The following IDE variants were observed in gnomAD, a reference collection of about 807,000 sequenced individuals.
IDE encodes the protein insulin-degrading enzyme.
A neutral mutation model predicts 133.2 loss-of-function variants in IDE; 58 were observed. That is an observed-to-expected ratio of 0.44 (90% CI 0.35 to 0.54). The LOEUF is 0.54. Ranked by LOEUF, IDE falls within the 20% of genes least tolerant of loss-of-function variation. IDE has a pLI of 0.00. For missense variants in IDE, 981 were observed against 1,234.0 expected, an observed-to-expected ratio of 0.79 and a Z score of 3.07; for synonymous variants, 396 against 421.3, an observed-to-expected ratio of 0.94 and a Z score of 0.73.
intron 1 of IDE, chr10:92,555,048 G>A (rs1182391596): frequency 2.6e-5 from 4 of 152,136 alleles, no homozygotes; most frequent in African/African-American, 9.7e-5. Flanking sequence ...TACAATAAGA[G>A]CCATGGAAGA....
intron 1 of IDE, among the ~76,000 whole-genome samples, chr10:92,568,778 T>C (rs1455955231): frequency 6.6e-6 from 1 of 151,828 alleles, no homozygotes; most frequent in Non-Finnish European, 1.5e-5. Flanking sequence ...ATTGCGCCAC[T>C]GTACTCTAGC....
At chr10:92,501,609 G>T (rs1589432466) in intron 11 of IDE, among the ~76,000 whole-genome samples, 1 of 151,616 alleles carries the variant, frequency 6.6e-6, no homozygotes, top group Non-Finnish European at 1.5e-5. Context: ...TGTGGAGGTT[G>T]CAGTGAGCCG....
chr10:92,507,576 T>C lies in IDE; in HGVS notation c.1244A>G (p.Lys415Arg). 2 of 1,565,210 alleles carry C rather than the reference T, an allele frequency of 1.3e-6. No individual in the cohort carries two copies. The highest frequency in any genetic ancestry group is 1.8e-6 in the Non-Finnish European group (2 of 1,135,400). Reference protein sequence around the residue: ...GPQEWVFQECKDLNAVAFRFK... With the variant: ...GPQEWVFQECRDLNAVAFRFK... Reference sequence around the variant, plus strand: ...AAAATTTTGGTGAAACAAAAGTACCTTGCACTCTTGGAAAACCCATTCTTG... The same window carrying C: ...AAAATTTTGGTGAAACAAAAGTACCCTGCACTCTTGGAAAACCCATTCTTG... Residue 415 changes from lysine (K) to arginine (R), a missense_variant and splice_region_variant, in exon 9 of 25, where the codon AAG becomes AGG. By Grantham distance (26) the Lys-to-Arg change is conservative. Around this residue, in one of 2 missense-constraint regions of IDE, gnomAD observed 660 missense variants for 894.7 expected, o/e 0.74. Coordinates refer to ENST00000265986, the MANE Select transcript of IDE (RefSeq NM_004969.4).
chr10:92,509,368 A>C (rs1336215591), intron 6 of IDE, among the ~76,000 whole-genome samples: 2 of 152,028 alleles, frequency 1.3e-5, no homozygotes, highest in Non-Finnish European at 2.9e-5. Flanking sequence ...TGAGGGAGAC[A>C]GATCACCTGA....
At chr10:92,529,990 C>T (rs1849826561) in intron 4 of IDE, among the ~76,000 whole-genome samples, 1 of 152,094 alleles carries the variant, frequency 6.6e-6, no homozygotes. Context: ...CTTTGGAAGG[C>T]CGAGGCAGGC....
chr10:92,563,371 G>A (rs1775934467), intron 1 of IDE, among the ~76,000 whole-genome samples: 1 of 151,614 alleles, frequency 6.6e-6, no homozygotes, highest in Admixed American at 6.6e-5. Context: ...AGAATCACTT[G>A]AATCTGGGAT....
In IDE at chr10:92,468,969, T is replaced by C; in HGVS notation, c.2230A>G (p.Met744Val). The change falls in exon 19 of 25, where the codon ATG becomes GTG. Residue 744 changes from methionine to valine, a missense_variant. Around this residue, in one of 2 missense-constraint regions of IDE, gnomAD observed 660 missense variants for 894.7 expected, o/e 0.74. Coordinates refer to ENST00000265986, the MANE Select transcript of IDE (RefSeq NM_004969.4). ...TGTTCAATGAGGGTGTCTTCAACCATCTGCATAATTCCTAATGCAGCCTAT... is the reference window on the plus strand; with the variant it reads ...TGTTCAATGAGGGTGTCTTCAACCACCTGCATAATTCCTAATGCAGCCTAT... ...TKQAALGIMQ[M>V]VEDTLIEHAH... 1.2e-6 allele frequency: 2 copies of C among 1,603,182 alleles called. No homozygotes were observed. Among genetic ancestry groups the C allele is most frequent in the South Asian group, 1.1e-5 (1 of 90,836 alleles).
Position 92,453,823 on chromosome 10 carries a change from T to C in IDE, c.*621A>G, listed in dbSNP as rs1274133650. 6.6e-6 allele frequency: 1 copy of C among 152,206 alleles called. No individual in the cohort carries two copies. The highest frequency in any genetic ancestry group is 1.5e-5 in the Non-Finnish European group (1 of 68,034). 9.4% of individuals were successfully genotyped at this position (152,206 alleles called of 1,614,324 possible). On this transcript the variant is annotated 3_prime_UTR_variant, in exon 25 of 25. Coordinates refer to ENST00000265986, the MANE Select transcript of IDE (RefSeq NM_004969.4). ...GTAAGGTAAGTCTGTATTTCTAGCATTGTAAATAAGTAGGGTTTTCTAGCA... is the reference window on the plus strand; with the variant it reads ...GTAAGGTAAGTCTGTATTTCTAGCACTGTAAATAAGTAGGGTTTTCTAGCA...
intron 11 of IDE, among the ~76,000 whole-genome samples, chr10:92,498,877 T>G (rs1390837989): frequency 6.6e-6 from 1 of 152,196 alleles, no homozygotes; most frequent in African/African-American, 2.4e-5. Flanking sequence ...CAAGTTCTAT[T>G]AGTAAATCTA....
chr10:92,475,766 G>A (rs763061084), intron 16 of IDE, 118 bp downstream of exon 16: 5 of 532,652 alleles, frequency 9.4e-6, no homozygotes, highest in South Asian at 8.4e-5. Context: ...AATGCCACAG[G>A]GTTATGAATT....
intron 1 of IDE, chr10:92,559,295 AGT>A (rs1269406415): frequency 4.6e-5 from 7 of 152,232 alleles, no homozygotes; most frequent in Admixed American, 3.9e-4. Context: ...AACGAAAATA[AGT>A]GTTCACATGA....
rs1255784786 is a variant in IDE, at chr10:92,493,464, A to C, written c.1431-2869T>G. On this transcript the variant is annotated intron_variant, in intron 11 of 24. Coordinates refer to ENST00000265986, the MANE Select transcript of IDE (RefSeq NM_004969.4). ...TGGAGTGGAGTGGACTTGCCCTCTGAAACAAGAAAACCTTAAACTCAGTTC... is the reference window on the plus strand; with the variant it reads ...TGGAGTGGAGTGGACTTGCCCTCTGCAACAAGAAAACCTTAAACTCAGTTC... Among the ~76,000 whole-genome samples the C allele has an allele frequency of 5.3e-5, 8 of 151,616 alleles. No individual in the cohort carries two copies. The East Asian group carries it at 1.4e-3, about 26-fold the overall frequency.
chr10:92,483,369 T>C (rs2135425686), intron 13 of IDE, 32 bp from the exon 14 acceptor site: 4 of 1,200,370 alleles, frequency 3.3e-6, no homozygotes, highest in Non-Finnish European at 5.0e-6. Context: ...GTTAGGGAAA[T>C]AGAGGCGCAT....
chr10:92,506,297 C>A, intron 10 of IDE, 145 bp downstream of exon 10: 1 of 421,452 alleles, frequency 2.4e-6, no homozygotes. Context: ...CATCTCCTGA[C>A]ATCAACATTT....
intron 10 of IDE, among the ~76,000 whole-genome samples, 200 bp downstream of exon 10, chr10:92,506,242 A>G (rs1848288343): frequency 6.6e-6 from 1 of 152,204 alleles, no homozygotes; most frequent in African/African-American, 2.4e-5. Context: ...TAATAAAAAT[A>G]TTACATAAAA....
At chr10:92,508,042 C>T in intron 8 of IDE, 71 bp downstream of exon 8, 2 of 1,039,442 alleles carry the variant, frequency 1.9e-6, no homozygotes, top group Non-Finnish European at 3.0e-6. Context: ...AGATCCACAG[C>T]ATGAAGAAGT....
intron 2 of IDE, among the ~76,000 whole-genome samples, chr10:92,536,151 G>C (rs1841989164): frequency 1.3e-5 from 2 of 152,190 alleles, no homozygotes. Context: ...GGGAGGCTGA[G>C]GCGGGTGGAT....
At chr10:92,476,044 C>T (rs77536815) in intron 15 of IDE, 50 bp from the exon 16 acceptor site, 101 of 760,412 alleles carry the variant, frequency 1.3e-4, no homozygotes, top group Non-Finnish European at 2.1e-4. Flanking sequence ...CACAAAACAA[C>T]TTCCAAATAA....
chr10:92,563,782 A>C (rs1259388319), intron 1 of IDE, among the ~76,000 whole-genome samples: 1 of 152,092 alleles, frequency 6.6e-6, no homozygotes, highest in East Asian at 1.9e-4. Context: ...AAAAGAAAAG[A>C]AAAGCAAATC....
Sources: allele counts gnomAD v4.1 joint callset (sites outside exome capture counted in the v4.1 genomes callset), GRCh38; gene constraint gnomAD v4.1.1; regional missense constraint gnomAD v4.1.1; transcripts MANE v1.5; gene names NCBI Gene and HGNC (gene_info 2026-07-23, HGNC 2026-07-21).